The following MAST4 variants were observed in gnomAD, a reference collection of about 807,000 sequenced individuals.
MAST4 encodes microtubule associated serine/threonine kinase family member 4.
In MAST4, 89 loss-of-function variants were observed where a neutral mutation model predicts 162.7. That is an observed-to-expected ratio of 0.55 (90% CI 0.46 to 0.65). The LOEUF is 0.65. MAST4 is among the 30% of genes least tolerant of loss of function. The probability of loss-of-function intolerance (pLI) is 0.00; values close to 1 mark genes in which losing one functional copy is unlikely to be tolerated. For missense variants in MAST4, 3,153 were observed against 3,374.0 expected (o/e 0.93, Z 1.62); for synonymous variants, 1,479 against 1,361.1 (o/e 1.09, Z -1.91).
At chr5:66,876,565 T>C (rs1274976342) in intron 3 of MAST4, among the ~76,000 whole-genome samples, 1 of 152,090 alleles carries the variant, frequency 6.6e-6, no homozygotes, top group African/African-American at 2.4e-5. Flanking sequence ...ATCAGTACAA[T>C]GGGGGAAGTC....
At chr5:66,749,629 T>C (rs1753009182) in intron 1 of MAST4, among the ~76,000 whole-genome samples, 1 of 152,258 alleles carries the variant, frequency 6.6e-6, no homozygotes, top group Non-Finnish European at 1.5e-5. Context: ...GTCATAGCTG[T>C]CATTCATGGT....
At chr5:66,812,775 G>A (rs922283277) in intron 3 of MAST4, among the ~76,000 whole-genome samples, 6 of 152,168 alleles carry the variant, frequency 3.9e-5, no homozygotes, top group African/African-American at 1.4e-4. Context: ...CTGTCAGTGG[G>A]TTTTGGGAGC....
intron 4 of MAST4, among the ~76,000 whole-genome samples, chr5:67,006,359 CTTGTAGTATTGCTCATT>C (rs1197847690): frequency 2.6e-5 from 4 of 152,326 alleles, no homozygotes; most frequent in South Asian, 4.1e-4. Context: ...GAGACCCTCT[CTTGTAGTATTGCTCATT>C]TTGTAGTATT....
intron 3 of MAST4, among the ~76,000 whole-genome samples, chr5:66,864,206 A>AG (rs1760323790): frequency 6.6e-6 from 1 of 152,004 alleles, no homozygotes; most frequent in Non-Finnish European, 1.5e-5. Flanking sequence ...TATAATGTAA[A>AG]GATGGGGAAA....
intron 1 of MAST4, among the ~76,000 whole-genome samples, chr5:66,757,825 G>A (rs1245381470): frequency 6.6e-6 from 1 of 152,048 alleles, no homozygotes; most frequent in Non-Finnish European, 1.5e-5. Context: ...AAAATTGGCA[G>A]AAAAAATAAT....
intron 1 of MAST4, among the ~76,000 whole-genome samples, chr5:66,646,143 C>G (rs17269660): frequency 0.76 from 116,230 of 152,100 alleles, 45,601 homozygotes; most frequent in African/African-American, 0.93. Context: ...AGTCATCCAC[C>G]CTACAACATG....
At chr5:66,969,286 C>A (rs1458541989) in intron 4 of MAST4, among the ~76,000 whole-genome samples, 1 of 152,136 alleles carries the variant, frequency 6.6e-6, no homozygotes, top group Non-Finnish European at 1.5e-5. Flanking sequence ...CCTGGAGATA[C>A]TTGAGTTTGG....
intron 3 of MAST4, among the ~76,000 whole-genome samples, chr5:66,891,381 G>A (rs1270028272): frequency 6.6e-6 from 1 of 152,204 alleles, no homozygotes; most frequent in Non-Finnish European, 1.5e-5. Context: ...CCTCAGCCAT[G>A]CTTCCTGGAT....
intron 4 of MAST4, among the ~76,000 whole-genome samples, chr5:66,924,729 T>C (rs941466794): frequency 6.6e-6 from 1 of 152,122 alleles, no homozygotes; most frequent in African/African-American, 2.4e-5. Context: ...AAATTGATCA[T>C]GTAGGTGGTC....
intron 4 of MAST4, among the ~76,000 whole-genome samples, chr5:66,997,168 T>G (rs527612850): frequency 6.6e-6 from 1 of 152,058 alleles, no homozygotes; most frequent in Non-Finnish European, 1.5e-5. Context: ...GTATATATTA[T>G]ATGTACATGT....
At chr5:67,024,913 C>T (rs974164030) in intron 4 of MAST4, among the ~76,000 whole-genome samples, 6 of 151,812 alleles carry the variant, frequency 4.0e-5, no homozygotes, top group Non-Finnish European at 7.4e-5. Context: ...CACCAGAGAT[C>T]TTGTTTTATA....
chr5:66,788,798 A>T lies in MAST4; in HGVS notation c.642+4A>T. ...GCCCTCGCTCACCGCCAGCCTGGTG[A>T]GTGTCCGCGGGCGCCGGTGGAGGCT... On this transcript the variant is annotated splice_donor_region_variant and intron_variant, in intron 3 of 28. Transcript: ENST00000403625. 6.4e-7 allele frequency: 1 copy of T among 1,565,900 alleles called. No homozygotes were observed. Among genetic ancestry groups the T allele is most frequent in the Non-Finnish European group, 8.6e-7 (1 of 1,158,002 alleles).
intron 1 of MAST4, among the ~76,000 whole-genome samples, chr5:66,616,561 C>T (rs1463393346): frequency 3.3e-5 from 5 of 152,058 alleles, no homozygotes; most frequent in African/African-American, 9.7e-5. Flanking sequence ...GAGGGTGAAG[C>T]CCAGAGCGGG....
At chr5:66,881,917 G>A (rs1761717789) in intron 3 of MAST4, among the ~76,000 whole-genome samples, 1 of 152,172 alleles carries the variant, frequency 6.6e-6, no homozygotes, top group Admixed American at 6.5e-5. Flanking sequence ...AACCAGGCAA[G>A]TTTTATCAAG....
intron 4 of MAST4, among the ~76,000 whole-genome samples, chr5:66,940,827 G>T (rs564936553): frequency 1.6e-3 from 236 of 152,146 alleles, no homozygotes; most frequent in Non-Finnish European, 2.9e-3. Flanking sequence ...CATTATAGCC[G>T]CCATAAACTT....
At chr5:66,816,694 T>TG (rs1370358121) in intron 3 of MAST4, among the ~76,000 whole-genome samples, 5 of 152,146 alleles carry the variant, frequency 3.3e-5, no homozygotes, top group African/African-American at 1.2e-4. Flanking sequence ...CCATTACCCA[T>TG]GTTTGCCTTT....
At chr5:66,606,659 A>G (rs1470526830) in intron 1 of MAST4, among the ~76,000 whole-genome samples, 1 of 152,014 alleles carries the variant, frequency 6.6e-6, no homozygotes, top group African/African-American at 2.4e-5. Context: ...CATATTGCCT[A>G]TTTTCTATAA....
chr5:66,944,304 A>G (rs967333917), intron 4 of MAST4, among the ~76,000 whole-genome samples: 5 of 152,064 alleles, frequency 3.3e-5, no homozygotes, highest in Non-Finnish European at 5.9e-5. Flanking sequence ...ACCATCTTCT[A>G]CCCTTTGGTG....
chr5:67,162,544 A>G, intron 27 of MAST4, 63 bp from the exon 28 acceptor site: 1 of 1,488,448 alleles, frequency 6.7e-7, no homozygotes. Context: ...GCACAATGGT[A>G]TTTTGGGGAG....
Sources: allele counts gnomAD v4.1 joint callset (sites outside exome capture counted in the v4.1 genomes callset), GRCh38; gene constraint gnomAD v4.1.1; transcripts MANE v1.5; gene names NCBI Gene and HGNC (gene_info 2026-07-23, HGNC 2026-07-21).